TBC1D22A: variants seen among roughly 807,000 people sequenced by gnomAD.
The protein encoded by TBC1D22A is putative GTPase activator.
TBC1D22A carries 38 observed loss-of-function variants against 60.2 expected under a neutral mutation model. The ratio of observed to expected loss-of-function variants is 0.63; its 90% CI spans 0.49 to 0.83. The LOEUF is 0.83. Ranked by LOEUF, TBC1D22A falls within the 40% of genes least tolerant of loss-of-function variation. TBC1D22A has a pLI of 0.00. For missense variants in TBC1D22A, 628 were observed against 701.0 expected (o/e 0.90, Z 1.18); for synonymous variants, 302 against 281.7 (o/e 1.07, Z -0.72).
At chr22:46,903,510 C>A (rs1483463069) in intron 7 of TBC1D22A, among the ~76,000 whole-genome samples, 1 of 152,182 alleles carries the variant, frequency 6.6e-6, no homozygotes, top group African/African-American at 2.4e-5. Context: ...TGGACTTCCA[C>A]CCTAGCTCTC....
Position 47,058,489 on chromosome 22 carries a change from C to T in TBC1D22A, c.1329+21291C>T, listed in dbSNP as rs535095984. Among the ~76,000 whole-genome samples, 519 of 152,186 alleles carry T rather than the reference C, an allele frequency of 3.4e-3. 2 individuals carry two copies. The highest frequency in any genetic ancestry group is 3.3e-3 in the Non-Finnish European group (222 of 67,990). On this transcript the variant is annotated intron_variant, in intron 11 of 12. Coordinates refer to ENST00000337137, the MANE Select transcript of TBC1D22A (RefSeq NM_014346.5). Reference sequence around the variant, plus strand: ...GTGGTTATGACCACCCAGTCTAGTCCAGCATTAGAGCCCTCCTTCCCCTCA... The same window carrying T: ...GTGGTTATGACCACCCAGTCTAGTCTAGCATTAGAGCCCTCCTTCCCCTCA...
Position 47,173,552 on chromosome 22 carries a change from A to G in TBC1D22A, c.1480A>G (p.Ile494Val), listed in dbSNP as rs1428146450. 6.2e-7 allele frequency: 1 copy of G among 1,614,180 alleles called. No individual in the cohort carries two copies. The highest frequency in any genetic ancestry group is 1.1e-5 in the South Asian group (1 of 91,086). Residue 494 changes from isoleucine to valine, a missense_variant, in exon 13 of 13, where the codon ATC (isoleucine) becomes GTC (valine). Ile to Val is a conservative substitution (Grantham distance 29). Coordinates refer to ENST00000337137, the MANE Select transcript of TBC1D22A (RefSeq NM_014346.5). The part of the protein sequence containing the change: ...LPTAHWDDED[I>V]SLLLAEAYRL... ...CACAGCCCACTGGGATGATGAGGAC[A>G]TCAGCCTGTTGCTGGCCGAGGCCTA...
At chr22:47,167,527 G>A (rs891521633) in intron 12 of TBC1D22A, among the ~76,000 whole-genome samples, 2 of 152,158 alleles carry the variant, frequency 1.3e-5, no homozygotes, top group Non-Finnish European at 1.5e-5. Flanking sequence ...TTTTGCTCTC[G>A]CAGTTTGGCA....
intron 11 of TBC1D22A, among the ~76,000 whole-genome samples, chr22:47,090,853 G>C (rs1380980110): frequency 7.0e-6 from 1 of 143,522 alleles, no homozygotes; most frequent in East Asian, 2.1e-4. Context: ...AGTCGTCTTT[G>C]GGGGGAGTGG....
intron 10 of TBC1D22A, among the ~76,000 whole-genome samples, chr22:47,036,766 G>C (rs138328753): frequency 6.6e-6 from 1 of 152,176 alleles, no homozygotes; most frequent in Non-Finnish European, 1.5e-5. Context: ...GGAGCCCCAC[G>C]GTGTGGGTGT....
chr22:47,059,844 A>G (rs1402462288), intron 11 of TBC1D22A, among the ~76,000 whole-genome samples: 2 of 152,226 alleles, frequency 1.3e-5, no homozygotes, highest in East Asian at 3.9e-4. Flanking sequence ...GAAGAGGACC[A>G]TCTGTGACTA....
At chr22:46,808,356 T>G (rs1569067403) in intron 4 of TBC1D22A, among the ~76,000 whole-genome samples, 1 of 115,790 alleles carries the variant, frequency 8.6e-6, no homozygotes, top group Admixed American at 7.9e-5. Context: ...AGATTCTGCT[T>G]AAAAAAATAA....
At chr22:46,934,114 G>T (rs1277949800) in intron 8 of TBC1D22A, among the ~76,000 whole-genome samples, 1 of 152,236 alleles carries the variant, frequency 6.6e-6, no homozygotes, top group Non-Finnish European at 1.5e-5. Context: ...CCCAGTGAAT[G>T]GGTGAGTTTG....
In TBC1D22A at chr22:46,762,896, G is replaced by A. The variant is rs201148729; in HGVS notation, c.62+48G>A. The A allele has an allele frequency of 8.8e-3, 12,832 of 1,463,468 alleles. 81 individuals carry two copies. Among genetic ancestry groups the A allele is most frequent in the Non-Finnish European group, 0.011 (11,753 of 1,112,068 alleles). 90.7% of individuals were successfully genotyped at this position (1,463,468 alleles called of 1,614,324 possible). On this transcript the variant is annotated intron_variant, in intron 1 of 12. Coordinates refer to ENST00000337137, the MANE Select transcript of TBC1D22A (RefSeq NM_014346.5). ...GGTCGGGGTCAGGGGTCAGAGGTCA[G>A]GTGGCCGCGTTGGCCTCCTGGGCTG...
chr22:47,042,005 A>G (rs544908766), intron 11 of TBC1D22A, among the ~76,000 whole-genome samples: 10 of 152,340 alleles, frequency 6.6e-5, no homozygotes, highest in Admixed American at 6.5e-4. Context: ...CCCAGCCCTT[A>G]TCACCGGTGT....
intron 11 of TBC1D22A, among the ~76,000 whole-genome samples, chr22:47,110,342 G>A (rs2065802329): frequency 6.6e-6 from 1 of 152,076 alleles, no homozygotes; most frequent in Non-Finnish European, 1.5e-5. Flanking sequence ...AGCCAGGTGT[G>A]GTGGCGCACG....
Position 46,989,964 on chromosome 22 carries a change from G to T in TBC1D22A, c.1126-7670G>T, listed in dbSNP as rs564575853. On this transcript the variant is annotated intron_variant, in intron 9 of 12. Coordinates refer to ENST00000337137, the MANE Select transcript of TBC1D22A (RefSeq NM_014346.5). ...ACTGTAGGTGCTTGCCACCACACCT[G>T]GATAATTTTTATATTTTTGGGTAGA... 1.5e-4 allele frequency among the ~76,000 whole-genome samples: 23 copies of T among 152,170 alleles called. No homozygotes were observed. The South Asian group carries it at 4.6e-3, about 30-fold the overall frequency.
intron 1 of TBC1D22A, among the ~76,000 whole-genome samples, chr22:46,781,665 A>T (rs947302157): frequency 3.3e-5 from 5 of 152,160 alleles, no homozygotes; most frequent in African/African-American, 1.2e-4. Flanking sequence ...GGTCTTCTCC[A>T]GGGCACAGCC....
At chr22:46,935,790 C>T (rs2071615768) in intron 8 of TBC1D22A, among the ~76,000 whole-genome samples, 2 of 152,092 alleles carry the variant, frequency 1.3e-5, no homozygotes, top group Admixed American at 1.3e-4. Flanking sequence ...CCTCTGAACT[C>T]TGAACCCATG....
chr22:46,945,975 G>A (rs568801370), intron 8 of TBC1D22A, among the ~76,000 whole-genome samples: 6 of 152,266 alleles, frequency 3.9e-5, no homozygotes, highest in South Asian at 4.1e-4. Context: ...TTTTATCAGC[G>A]GCTGAAACAA....
In TBC1D22A at chr22:46,962,411, A is replaced by G. The variant is rs373149585; in HGVS notation, c.1016-11879A>G. Among the ~76,000 whole-genome samples the G allele has an allele frequency of 3.9e-5, 6 of 152,252 alleles. 1 individual carries two copies. Among genetic ancestry groups the G allele is most frequent in the East Asian group, 3.8e-4 (2 of 5,206 alleles). On this transcript the variant is annotated intron_variant, in intron 8 of 12. Transcript: ENST00000337137. The stretch of plus-strand genomic sequence containing the variant: ...GATGATCTTAGGCCCTGCTGGCTGT[A>G]GAATAAACTTCCAACATGTCTTTCA...
intron 4 of TBC1D22A, among the ~76,000 whole-genome samples, chr22:46,865,561 A>G (rs533813595): frequency 3.3e-5 from 5 of 152,352 alleles, no homozygotes; most frequent in African/African-American, 4.8e-5. Flanking sequence ...GTGAACTCCT[A>G]GGTGCACAAC....
chr22:46,907,614 TCGCCTCCACCATCTG>T (rs937419480), intron 7 of TBC1D22A, among the ~76,000 whole-genome samples: 4 of 152,062 alleles, frequency 2.6e-5, no homozygotes, highest in South Asian at 2.1e-4. Flanking sequence ...TCCACCATCC[TCGCCTCCACCATCTG>T]CGCCTCCACC....
rs1308805377 is a variant in TBC1D22A, at chr22:46,990,062, C to T, written c.1126-7572C>T. On this transcript the variant is annotated intron_variant, in intron 9 of 12. Transcript: ENST00000337137. This position sits in a 1 kb window ranked among gnomAD's most constrained non-coding sequence, Gnocchi z 4.6. Reference sequence around the variant, plus strand: ...CAAGCGAGCTGCCCATGTTGGCCTCCCAAAGTGCTGGGATTACAGATGTGC... The same window carrying T: ...CAAGCGAGCTGCCCATGTTGGCCTCTCAAAGTGCTGGGATTACAGATGTGC... Among the ~76,000 whole-genome samples, 2 of 152,170 alleles carry T rather than the reference C, an allele frequency of 1.3e-5. No homozygotes were observed. Among genetic ancestry groups the T allele is most frequent in the Non-Finnish European group, 2.9e-5 (2 of 68,022 alleles).
Sources: gnomAD v4.1 joint callset for allele counts (sites outside exome capture counted in the v4.1 genomes callset) on GRCh38, gnomAD v4.1.1 for gene constraint, Gnocchi (gnomAD v3.1) non-coding constraint, MANE v1.5 for transcripts, NCBI Gene and HGNC (gene_info 2026-07-23, HGNC 2026-07-21) for gene names.